CNTNAP4: variants seen among roughly 807,000 people sequenced by gnomAD.
The protein encoded by CNTNAP4 is contactin associated protein family member 4, also known as contactin-associated protein-like 4.
A neutral mutation model predicts 148.4 loss-of-function variants in CNTNAP4; 98 were observed. The observed-to-expected ratio is 0.66, with a 90% confidence interval of 0.56 to 0.78. CNTNAP4 has a LOEUF of 0.78. Ranked by LOEUF, CNTNAP4 falls within the 30% of genes least tolerant of loss-of-function variation. The pLI is 0.00. For synonymous variants in CNTNAP4, 730 were observed against 565.1 expected (o/e 1.29, Z -4.14); for missense variants, 1,935 against 1,565.6 (o/e 1.24, Z -3.98).
chr16:76,324,677 T>A (rs923537956), intron 2 of CNTNAP4, among the ~76,000 whole-genome samples: 2 of 152,164 alleles, frequency 1.3e-5, no homozygotes, highest in Non-Finnish European at 2.9e-5. Context: ...AGCTGCCATG[T>A]CATACAACTG....
At chr16:76,292,147 A>C (rs2143839258) in intron 1 of CNTNAP4, among the ~76,000 whole-genome samples, 1 of 152,188 alleles carries the variant, frequency 6.6e-6, no homozygotes, top group South Asian at 2.1e-4. Flanking sequence ...CGGTATCTTA[A>C]CCCATTTGCA....
chr16:76,462,214 T>G, intron 9 of CNTNAP4, 109 bp downstream of exon 9: 1 of 971,066 alleles, frequency 1.0e-6, no homozygotes. Flanking sequence ...TAAGGAATAA[T>G]TTTTCACTGT....
chr16:76,519,512 C>T (rs768710003), intron 15 of CNTNAP4, among the ~76,000 whole-genome samples: 2 of 152,034 alleles, frequency 1.3e-5, no homozygotes, highest in Non-Finnish European at 2.9e-5. Context: ...AATAACATTC[C>T]ATAATGTGAA....
chr16:76,277,617 C>G lies in CNTNAP4; in HGVS notation c.-46C>G. On this transcript the variant is annotated 5_prime_UTR_variant, in exon 1 of 24. Coordinates refer to ENST00000611870, the MANE Select transcript of CNTNAP4 (RefSeq NM_033401.5). ...CTACTGAGAAGAGGACTGGAGCGCT[C>G]TGAGAGCCTCTCAAGATCTTTTGGG... The G allele has an allele frequency of 7.2e-7, 1 of 1,391,606 alleles. No individual in the cohort carries two copies. The highest frequency in any genetic ancestry group is 1.4e-5 in the African/African-American group (1 of 70,470). The allele number at this position is 1,391,606 out of a possible 1,614,324, so 86.2% of individuals were successfully genotyped here. A position where few individuals can be genotyped will look rare whatever the true frequency, so the allele number is the denominator to read the frequency against.
chr16:76,353,534 G>A (rs960467859), intron 2 of CNTNAP4, among the ~76,000 whole-genome samples: 5 of 152,050 alleles, frequency 3.3e-5, no homozygotes, highest in Admixed American at 1.3e-4. Flanking sequence ...ACCCTTTGCG[G>A]TTGTTAAGCA....
At chr16:76,401,121 C>G (rs1354435593) in intron 3 of CNTNAP4, among the ~76,000 whole-genome samples, 1 of 152,092 alleles carries the variant, frequency 6.6e-6, no homozygotes, top group East Asian at 1.9e-4. Context: ...CTGTACATTG[C>G]TTTGGGCAGT....
chr16:76,292,750 A>G (rs955492070), intron 1 of CNTNAP4, among the ~76,000 whole-genome samples: 5 of 152,176 alleles, frequency 3.3e-5, no homozygotes, highest in Admixed American at 6.5e-5. Context: ...GCATCTTAAG[A>G]AAACAGACTA....
In CNTNAP4 at chr16:76,376,271, A is replaced by C. The variant is rs142804801; in HGVS notation, c.390+20760A>C. On this transcript the variant is annotated intron_variant, in intron 3 of 23. Transcript: ENST00000611870. ...GCTAAAAGGTGAGAGTAGATGTCTC[A>C]CTGAGTGCAGCGGTTTTCGGAAAGG... Among the ~76,000 whole-genome samples the C allele has an allele frequency of 5.9e-5, 9 of 152,344 alleles. No individual in the cohort carries two copies. The East Asian group carries it at 1.7e-3, about 29-fold the overall frequency.
At chr16:76,346,187 G>A (rs1964885648) in intron 2 of CNTNAP4, among the ~76,000 whole-genome samples, 2 of 152,240 alleles carry the variant, frequency 1.3e-5, no homozygotes, top group Non-Finnish European at 2.9e-5. Context: ...AATGCTATAC[G>A]AATGTGTTCT....
intron 15 of CNTNAP4, among the ~76,000 whole-genome samples, chr16:76,510,184 C>T (rs2082955951): frequency 6.9e-6 from 1 of 145,152 alleles, no homozygotes; most frequent in Non-Finnish European, 1.5e-5. Flanking sequence ...AACCAGTAAC[C>T]TGCTTTTTTT....
chr16:76,397,937 ATTATATAC>A (rs2078258987), intron 3 of CNTNAP4, among the ~76,000 whole-genome samples: 1 of 73,232 alleles, frequency 1.4e-5, no homozygotes, highest in Admixed American at 1.8e-4. Context: ...GAACTAATAG[ATTATATAC>A]ATATATATAT....
chr16:76,306,266 T>C (rs1960470957), intron 1 of CNTNAP4, among the ~76,000 whole-genome samples: 1 of 152,194 alleles, frequency 6.6e-6, no homozygotes, highest in South Asian at 2.1e-4. Context: ...CCCATCCTTC[T>C]TAATAAGGTT....
At chr16:76,460,185 G>A (rs937379475) in intron 8 of CNTNAP4, among the ~76,000 whole-genome samples, 22 of 151,922 alleles carry the variant, frequency 1.4e-4, no homozygotes, top group South Asian at 2.1e-4. Context: ...TCGGCTCACC[G>A]CAACCTTTGC....
chr16:76,403,524 A>G (rs937632192), intron 3 of CNTNAP4, among the ~76,000 whole-genome samples: 1 of 152,224 alleles, frequency 6.6e-6, no homozygotes, highest in African/African-American at 2.4e-5. Flanking sequence ...CAGAATGGCT[A>G]TTATTAAAAA....
At chr16:76,429,451 T>C (rs887508288) in intron 4 of CNTNAP4, among the ~76,000 whole-genome samples, 28 of 152,244 alleles carry the variant, frequency 1.8e-4, no homozygotes, top group African/African-American at 6.0e-4. Context: ...ATTCTACTAA[T>C]AATTTAATCC....
intron 4 of CNTNAP4, among the ~76,000 whole-genome samples, chr16:76,446,277 T>A (rs1291596067): frequency 2.6e-5 from 4 of 152,196 alleles, no homozygotes. Flanking sequence ...GAATGTCATT[T>A]CGTTGACTGG....
At chr16:76,394,577 C>T (rs7199902) in intron 3 of CNTNAP4, among the ~76,000 whole-genome samples, 2,094 of 152,226 alleles carry the variant, frequency 0.014, 35 homozygotes, top group African/African-American at 0.042. Context: ...CCCCCTTCTC[C>T]TTTCCCCCAA....
chr16:76,489,924 T>A, intron 13 of CNTNAP4, 41 bp downstream of exon 13: 2 of 1,305,938 alleles, frequency 1.5e-6, no homozygotes, highest in Non-Finnish European at 1.0e-6. Context: ...ACACATCACA[T>A]CATGCACTTA....
chr16:76,346,750 TTATTC>T (rs778210968), intron 2 of CNTNAP4, among the ~76,000 whole-genome samples: 5 of 152,204 alleles, frequency 3.3e-5, no homozygotes, highest in East Asian at 1.9e-4. Context: ...ATTTGTAACT[TTATTC>T]TAGTCTTCCA....
Sources: gnomAD v4.1 joint callset for allele counts (sites outside exome capture counted in the v4.1 genomes callset) on GRCh38, gnomAD v4.1.1 for gene constraint, MANE v1.5 for transcripts, NCBI Gene and HGNC (gene_info 2026-07-23, HGNC 2026-07-21) for gene names.